Variants in RASGEF1A observed in about 807,000 individuals in gnomAD.
RASGEF1A encodes the protein ras-GEF domain-containing family member 1A.
In RASGEF1A, 18 loss-of-function variants were observed where a neutral mutation model predicts 56.4. That is an observed-to-expected ratio of 0.32 (90% CI 0.22 to 0.47). The LOEUF (loss-of-function observed/expected upper bound fraction) is 0.47. Ranked by LOEUF, RASGEF1A falls within the 20% of genes least tolerant of loss-of-function variation. RASGEF1A has a pLI of 1.00. For missense variants in RASGEF1A, 422 were observed against 627.1 expected (o/e 0.67, Z 3.49); for synonymous variants, 245 against 242.6 (o/e 1.01, Z -0.09).
At chr10:43,219,689 A>G (rs10793423) in intron 1 of RASGEF1A, among the ~76,000 whole-genome samples, 75,812 of 152,140 alleles carry the variant, frequency 0.5, 19,496 homozygotes, top group East Asian at 0.71. Context: ...CTCCAGAGGC[A>G]GGAAGGGATG....
chr10:43,227,571 C>T (rs1840297210), intron 1 of RASGEF1A, among the ~76,000 whole-genome samples: 2 of 152,298 alleles, frequency 1.3e-5, no homozygotes, highest in Non-Finnish European at 2.9e-5. Flanking sequence ...AAGGCTGGGG[C>T]CCAGGGCTGT....
Position 43,237,317 on chromosome 10 carries a change from C to T in RASGEF1A, c.-7+29528G>A, listed in dbSNP as rs902053012. ...CAGTACCTTCACTCCTCCCCGACCCCGGAGGCTCCTAGTCTGTTCTCCTGC... is the reference window on the plus strand; with the variant it reads ...CAGTACCTTCACTCCTCCCCGACCCTGGAGGCTCCTAGTCTGTTCTCCTGC... On this transcript the variant is annotated intron_variant, in intron 1 of 12. Transcript: ENST00000395810. Among the ~76,000 whole-genome samples the T allele has an allele frequency of 3.9e-5, 6 of 152,062 alleles. No individual in the cohort carries two copies. In the East Asian group the frequency reaches 5.8e-4, roughly 15 times the overall value.
At chr10:43,208,487 C>T in intron 1 of RASGEF1A, 4 of 985,720 alleles carry the variant, frequency 4.1e-6, no homozygotes, top group Non-Finnish European at 4.8e-6. Flanking sequence ...AAGGCCACGC[C>T]TTCGAGGGTG....
chr10:43,259,606 C>T (rs1836490332), intron 1 of RASGEF1A, among the ~76,000 whole-genome samples: 1 of 152,216 alleles, frequency 6.6e-6, no homozygotes. Context: ...CTCCTGAGAG[C>T]ATACCCTCTC....
chr10:43,210,925 AGGGAGTTG>A, intron 1 of RASGEF1A, among the ~76,000 whole-genome samples: 7 of 135,842 alleles, frequency 5.2e-5, no homozygotes, highest in African/African-American at 1.7e-4. Flanking sequence ...AGCCCCTTGC[AGGGAGTTG>A]GGGACAGGCT....
intron 1 of RASGEF1A, among the ~76,000 whole-genome samples, chr10:43,256,415 A>C (rs765972536): frequency 1.3e-4 from 20 of 152,212 alleles, no homozygotes; most frequent in Non-Finnish European, 2.5e-4. Context: ...GGCAGAAAGA[A>C]GAACAGGAAC....
At chr10:43,237,352 C>T (rs1039773106) in intron 1 of RASGEF1A, among the ~76,000 whole-genome samples, 1 of 152,066 alleles carries the variant, frequency 6.6e-6, no homozygotes, top group Non-Finnish European at 1.5e-5. Flanking sequence ...CTTCACCTGC[C>T]CTCCAATGGA....
At chr10:43,206,581 A>T in intron 1 of RASGEF1A, 1 of 998,958 alleles carries the variant, frequency 1.0e-6, no homozygotes, top group Non-Finnish European at 1.2e-6. Context: ...TGCAGCGGGG[A>T]GCTGGGAGGA....
chr10:43,196,933 C>T lies in RASGEF1A; in HGVS notation c.1348+43G>A. 6.2e-7 allele frequency: 1 copy of T among 1,605,936 alleles called. No homozygotes were observed. The highest frequency in any genetic ancestry group is 8.5e-7 in the Non-Finnish European group (1 of 1,176,972). ...AGAGCACCGGGCCTGGACAAGGAGT[C>T]AGGTGGGGTGGGAGGCATGCTGCGT... On this transcript the variant is annotated intron_variant, in intron 11 of 12. Coordinates refer to ENST00000395810, the MANE Select transcript of RASGEF1A (RefSeq NM_145313.4). This position sits in a 1 kb window ranked among gnomAD's most constrained non-coding sequence, Gnocchi z 4.6.
rs756936174 is a variant in RASGEF1A at position 43,199,754 on chromosome 10, C to G, written c.771G>C (p.Leu257=). ...AGGCCTCCAGGCTGTAGGTCTTGGT[C>G]AGGTCCCCTCGGCACTGGAAAGGAC... The part of the protein sequence containing the change: ...SLDNHRCRGD[L]TKTYSLEAYD... Residue 257 remains leucine (L), a synonymous_variant, in exon 7 of 13, where the codon CTG becomes CTC. Transcript: ENST00000395810. 39 of 1,613,452 alleles carry G rather than the reference C, an allele frequency of 2.4e-5. No homozygotes were observed. The highest frequency in any genetic ancestry group is 6.7e-5 in the Admixed American group (4 of 60,000).
intron 1 of RASGEF1A, among the ~76,000 whole-genome samples, chr10:43,256,539 T>A (rs1318555112): frequency 6.6e-6 from 1 of 151,828 alleles, no homozygotes; most frequent in Non-Finnish European, 1.5e-5. Context: ...CAGACCAGAG[T>A]GGCCTCTCCA....
chr10:43,238,937 A>G (rs1840470430), intron 1 of RASGEF1A, among the ~76,000 whole-genome samples: 1 of 152,262 alleles, frequency 6.6e-6, no homozygotes, highest in African/African-American at 2.4e-5. Flanking sequence ...TAGAGCAGAC[A>G]CAAATGTTCC....
intron 2 of RASGEF1A, chr10:43,203,665 CA>C: frequency 8.2e-7 from 1 of 1,219,556 alleles, no homozygotes; most frequent in Non-Finnish European, 1.0e-6. Context: ...GGCCTCCTAG[CA>C]GTCTTCCTCC....
chr10:43,241,875 C>T (rs765415701), intron 1 of RASGEF1A, among the ~76,000 whole-genome samples: 23 of 152,154 alleles, frequency 1.5e-4, no homozygotes, highest in South Asian at 6.2e-4. Flanking sequence ...CAGAGGCTCA[C>T]GCCTGTAATC....
chr10:43,262,031 G>A (rs940695592), intron 1 of RASGEF1A, among the ~76,000 whole-genome samples: 2 of 152,148 alleles, frequency 1.3e-5, no homozygotes, highest in Non-Finnish European at 2.9e-5. Context: ...CCCCAGCTGT[G>A]GCTGGGGTCC....
intron 1 of RASGEF1A, among the ~76,000 whole-genome samples, chr10:43,232,878 C>CG (rs926378942): frequency 5.9e-5 from 9 of 152,096 alleles, no homozygotes; most frequent in Admixed American, 5.9e-4. Flanking sequence ...ACACAGCAGC[C>CG]GGGGGGGATC....
intron 1 of RASGEF1A, among the ~76,000 whole-genome samples, chr10:43,216,200 G>A (rs981725103): frequency 5.9e-5 from 9 of 152,144 alleles, no homozygotes; most frequent in Non-Finnish European, 1.2e-4. Context: ...CGGGGGCGCT[G>A]GAGCCACCAG....
In RASGEF1A at chr10:43,200,900, A is replaced by G. The variant is rs1391365736; in HGVS notation, c.460-12T>C. On this transcript the variant is annotated splice_polypyrimidine_tract_variant and intron_variant, in intron 4 of 12. Transcript: ENST00000395810. ...ACTGTGCCATTCTCCTGTGGGGTCA[A>G]GGGCAATAAGGGTGCCAGCATGGGC... The G allele has an allele frequency of 6.2e-7, 1 of 1,607,390 alleles. No individual in the cohort carries two copies. Among genetic ancestry groups the G allele is most frequent in the Non-Finnish European group, 8.5e-7 (1 of 1,174,628 alleles).
intron 3 of RASGEF1A, among the ~76,000 whole-genome samples, chr10:43,202,420 G>A (rs974005811): frequency 6.6e-6 from 1 of 152,102 alleles, no homozygotes; most frequent in African/African-American, 2.4e-5. Context: ...CCAGCACAGG[G>A]CCTAGGGCAT....
Sources: allele counts gnomAD v4.1 joint callset (sites outside exome capture counted in the v4.1 genomes callset), GRCh38; gene constraint gnomAD v4.1.1; non-coding constraint Gnocchi (gnomAD v3.1); transcripts MANE v1.5; gene names NCBI Gene and HGNC (gene_info 2026-07-23, HGNC 2026-07-21).